Variants in PROM1 observed in about 807,000 individuals in gnomAD.
PROM1 encodes prominin-1.
PROM1 carries 105 observed loss-of-function variants against 116.9 expected under a neutral mutation model. The observed-to-expected ratio is 0.90, with a 90% CI of 0.77 to 1.06. PROM1 has a LOEUF of 1.06. PROM1 is among the 50% of genes least tolerant of loss of function. The pLI is 0.00. For synonymous variants in PROM1, 393 were observed against 387.0 expected, an observed-to-expected ratio of 1.02 and a Z score of -0.18; for missense variants, 1,122 against 1,045.2, an observed-to-expected ratio of 1.07 and a Z score of -1.01.
At chr4:15,982,445 T>C (rs1029845189) in intron 23 of PROM1, among the ~76,000 whole-genome samples, 1 of 152,216 alleles carries the variant, frequency 6.6e-6, no homozygotes, top group African/African-American at 2.4e-5. Context: ...ATCCTTTTTC[T>C]GGAAGCTGCC....
chr4:16,035,476 T>C (rs1353794617), intron 4 of PROM1, among the ~76,000 whole-genome samples: 2 of 152,242 alleles, frequency 1.3e-5, no homozygotes, highest in East Asian at 3.8e-4. Context: ...TTTCAAGAGT[T>C]CACTTCTAGG....
At chr4:15,995,732 G>A (rs1722169302) in intron 15 of PROM1, among the ~76,000 whole-genome samples, 1 of 152,068 alleles carries the variant, frequency 6.6e-6, no homozygotes, top group Middle Eastern at 3.2e-3. Flanking sequence ...ACTAAGATCA[G>A]CTTAGGTGCC....
At chr4:16,001,598 C>T (rs545783036) in intron 13 of PROM1, among the ~76,000 whole-genome samples, 41 of 152,208 alleles carry the variant, frequency 2.7e-4, no homozygotes, top group South Asian at 8.3e-4. Context: ...GGAGTGTTTG[C>T]AGGAGGAAGG....
intron 5 of PROM1, among the ~76,000 whole-genome samples, chr4:16,031,780 T>G (rs2149373708): frequency 6.6e-6 from 1 of 152,302 alleles, no homozygotes; most frequent in Non-Finnish European, 1.5e-5. Context: ...ACACATTCAC[T>G]TGGATCTTGT....
At chr4:15,979,507 A>T (rs1717204287) in intron 25 of PROM1, 44 bp from the exon 26 acceptor site, 2 of 1,575,968 alleles carry the variant, frequency 1.3e-6, no homozygotes, top group Non-Finnish European at 1.7e-6. Context: ...GTTATCTCTA[A>T]GATGAAGTAT....
chr4:15,991,633 A>T lies in PROM1; in HGVS notation c.1912-340T>A, dbSNP rs571068955. On this transcript the variant is annotated intron_variant, in intron 17 of 27. Coordinates refer to ENST00000447510, the MANE Select transcript of PROM1 (RefSeq NM_006017.3). ...TTTACTACCCAGACTAGGTAAATCC[A>T]TCTAAAGAGACCACAGATGGGCCGG... is the stretch of plus-strand genomic sequence containing the variant. Among the ~76,000 whole-genome samples, 100 of 150,610 alleles carry T rather than the reference A, an allele frequency of 6.6e-4. 1 individual carries two copies. Among genetic ancestry groups the T allele is most frequent in the African/African-American group, 2.3e-3 (96 of 40,906 alleles).
Position 16,009,074 on chromosome 4 carries a change from A to G in PROM1, c.1176T>C (p.Asp392=). The change falls in exon 12 of 28, where the codon GAT becomes GAC. Residue 392 remains aspartate (D), a synonymous_variant. Coordinates refer to ENST00000447510, the MANE Select transcript of PROM1 (RefSeq NM_006017.3). ...IKRVLNSIGS[D]IDNVTQRLPI... Reference sequence around the variant, plus strand: ...GAAGACGCTGAGTTACATTGTCGATATCTGAACCAATGGAATTCAAGACCC... The same window carrying G: ...GAAGACGCTGAGTTACATTGTCGATGTCTGAACCAATGGAATTCAAGACCC... The G allele has an allele frequency of 1.2e-6, 2 of 1,612,774 alleles. No homozygotes were observed. Among genetic ancestry groups the G allele is most frequent in the Non-Finnish European group, 1.7e-6 (2 of 1,178,968 alleles).
At chr4:16,013,833 T>A (rs755043326) in intron 10 of PROM1, among the ~76,000 whole-genome samples, 12 of 152,072 alleles carry the variant, frequency 7.9e-5, no homozygotes, top group Admixed American at 2.6e-4. Flanking sequence ...TCACCAGTGC[T>A]GAGGTTAAGA....
At chr4:15,983,814 C>T (rs1718581983) in intron 23 of PROM1, among the ~76,000 whole-genome samples, 1 of 152,172 alleles carries the variant, frequency 6.6e-6, no homozygotes, top group Non-Finnish European at 1.5e-5. Context: ...CAGAGAGAGT[C>T]AGCATCTGTT....
At chr4:15,992,637 C>T (rs1413176919) in intron 16 of PROM1, among the ~76,000 whole-genome samples, 1 of 152,026 alleles carries the variant, frequency 6.6e-6, no homozygotes, top group African/African-American at 2.4e-5. Flanking sequence ...AAAAAATAAA[C>T]AGCAATCAAA....
At chr4:16,007,308 GT>G (rs1371276854) in intron 12 of PROM1, among the ~76,000 whole-genome samples, 1 of 152,200 alleles carries the variant, frequency 6.6e-6, no homozygotes, top group Admixed American at 6.5e-5. Context: ...TTTCATAATG[GT>G]CCTGCGAGAC....
chr4:16,024,099 T>C (rs747001340), intron 7 of PROM1, among the ~76,000 whole-genome samples, 196 bp downstream of exon 7: 10 of 152,236 alleles, frequency 6.6e-5, no homozygotes, highest in Non-Finnish European at 1.3e-4. Context: ...AAGGTCCTGC[T>C]GCCTGTGAAA....
chr4:16,006,821 C>A (rs868089522), intron 12 of PROM1, 131 bp from the exon 13 acceptor site: 1 of 881,666 alleles, frequency 1.1e-6, no homozygotes. Flanking sequence ...ATCAATTCCT[C>A]AGAGGACAAT....
At chr4:16,056,227 G>C (rs1273128331) in intron 2 of PROM1, among the ~76,000 whole-genome samples, 1 of 152,154 alleles carries the variant, frequency 6.6e-6, no homozygotes, top group Non-Finnish European at 1.5e-5. Flanking sequence ...GCCTGAGGAA[G>C]TGGAGTAACC....
At chr4:15,990,397 T>C (rs949629164) in intron 18 of PROM1, among the ~76,000 whole-genome samples, 1 of 151,424 alleles carries the variant, frequency 6.6e-6, no homozygotes, top group East Asian at 1.9e-4. Context: ...AGCAGAGGAG[T>C]TGAAAGGGGA....
chr4:16,012,001 GTT>G (rs1345564652), intron 11 of PROM1, among the ~76,000 whole-genome samples: 1 of 151,336 alleles, frequency 6.6e-6, no homozygotes, highest in African/African-American at 2.4e-5. Context: ...GTTCTTTTTT[GTT>G]TGTTTGTTTT....
intron 2 of PROM1, among the ~76,000 whole-genome samples, chr4:16,042,841 CG>C (rs1735654778): frequency 2.0e-5 from 3 of 152,150 alleles, no homozygotes; most frequent in African/African-American, 7.2e-5. Flanking sequence ...TATACATCAA[CG>C]GAGCTAACAC....
chr4:15,982,260 C>T (rs1293821095), intron 23 of PROM1, among the ~76,000 whole-genome samples: 1 of 152,222 alleles, frequency 6.6e-6, no homozygotes, highest in Non-Finnish European at 1.5e-5. Context: ...CTGCTTCACC[C>T]TCACAGCTTG....
chr4:15,977,194 C>CGT (rs113004461), intron 26 of PROM1, among the ~76,000 whole-genome samples: 82,613 of 151,914 alleles, frequency 0.54, 22,902 homozygotes, highest in Middle Eastern at 0.66. Context: ...CCCAGGCTTG[C>CGT]ATCTCTCTCT....
Sources: gnomAD v4.1 joint callset for allele counts (sites outside exome capture counted in the v4.1 genomes callset) on GRCh38, gnomAD v4.1.1 for gene constraint, MANE v1.5 for transcripts, NCBI Gene and HGNC (gene_info 2026-07-23, HGNC 2026-07-21) for gene names.